The following PRKG1 variants were observed in gnomAD, a reference collection of about 807,000 sequenced individuals.
PRKG1 encodes cGMP-dependent protein kinase 1.
In PRKG1, 35 loss-of-function variants were observed where a neutral mutation model predicts 88.1. That is an observed-to-expected ratio of 0.40 (90% confidence interval 0.30 to 0.53). The LOEUF is 0.53. Ranked by LOEUF, PRKG1 falls within the 20% of genes least tolerant of loss-of-function variation. The pLI is 0.59. For synonymous variants in PRKG1, 303 were observed against 292.5 expected, an observed-to-expected ratio of 1.04 and a Z score of -0.37; for missense variants, 540 against 839.8, an observed-to-expected ratio of 0.64 and a Z score of 4.41.
At chr10:51,776,499 G>A (rs922708368) in intron 3 of PRKG1, among the ~76,000 whole-genome samples, 6 of 152,076 alleles carry the variant, frequency 3.9e-5, no homozygotes, top group African/African-American at 1.4e-4. Context: ...GACAAAGCAA[G>A]TTAATGATCA....
chr10:51,479,963 T>G (rs969725224), intron 3 of PRKG1, among the ~76,000 whole-genome samples: 2 of 151,852 alleles, frequency 1.3e-5, no homozygotes, highest in Non-Finnish European at 2.9e-5. Context: ...ATTTATGGAA[T>G]AATTATGTTG....
intron 3 of PRKG1, among the ~76,000 whole-genome samples, chr10:51,495,230 G>C (rs1012200225): frequency 1.3e-5 from 2 of 152,136 alleles, no homozygotes; most frequent in African/African-American, 4.8e-5. Flanking sequence ...GAGTGGCTGG[G>C]ACTACAGGCG....
At chr10:51,792,382 G>A (rs1838891003) in intron 3 of PRKG1, among the ~76,000 whole-genome samples, 1 of 151,996 alleles carries the variant, frequency 6.6e-6, no homozygotes, top group African/African-American at 2.4e-5. Context: ...TGCCAGGGTT[G>A]TTTTAGATGA....
chr10:51,310,840 A>G (rs759394533), intron 2 of PRKG1, among the ~76,000 whole-genome samples: 2 of 152,112 alleles, frequency 1.3e-5, no homozygotes, highest in Non-Finnish European at 2.9e-5. Flanking sequence ...TTAAAAGGTC[A>G]CCCAAATGAA....
chr10:51,749,645 T>G (rs1344556494), intron 3 of PRKG1, among the ~76,000 whole-genome samples: 1 of 152,196 alleles, frequency 6.6e-6, no homozygotes, highest in Non-Finnish European at 1.5e-5. Context: ...AGTTCTTTGC[T>G]ATGTAAGATG....
At chr10:51,277,956 G>A (rs1306175220) in intron 2 of PRKG1, among the ~76,000 whole-genome samples, 3 of 152,106 alleles carry the variant, frequency 2.0e-5, no homozygotes, top group Non-Finnish European at 4.4e-5. Context: ...TCTTTCTCCT[G>A]CCTGATTGCC....
At chr10:51,434,270 T>A (rs117753518) in intron 2 of PRKG1, among the ~76,000 whole-genome samples, 2 of 152,120 alleles carry the variant, frequency 1.3e-5, no homozygotes, top group African/African-American at 2.4e-5. Context: ...CCCAGTCTAG[T>A]CTGCTGCCAT....
At chr10:51,834,678 CAGAA>C (rs200925527) in intron 4 of PRKG1, among the ~76,000 whole-genome samples, 16 of 106,526 alleles carry the variant, frequency 1.5e-4, no homozygotes, top group East Asian at 5.4e-4. Flanking sequence ...GAAAGAAAGA[CAGAA>C]AGAAAGAAAG....
chr10:51,113,838 T>C (rs1254664746), intron 1 of PRKG1, among the ~76,000 whole-genome samples: 5 of 151,874 alleles, frequency 3.3e-5, no homozygotes, highest in African/African-American at 1.2e-4. Flanking sequence ...GCTATTTCTG[T>C]AGTAGCAGTT....
intron 2 of PRKG1, among the ~76,000 whole-genome samples, chr10:51,173,631 T>C (rs1774362879): frequency 6.6e-6 from 1 of 151,944 alleles, no homozygotes; most frequent in Non-Finnish European, 1.5e-5. Flanking sequence ...TTTCGATGTC[T>C]TCTAATCACT....
intron 7 of PRKG1, among the ~76,000 whole-genome samples, chr10:52,079,449 T>C (rs893248285): frequency 2.0e-5 from 3 of 152,178 alleles, no homozygotes; most frequent in Non-Finnish European, 4.4e-5. Context: ...GTCAGACAGA[T>C]ATGTCCATAT....
At chr10:51,510,260 T>C (rs1841353919) in intron 3 of PRKG1, among the ~76,000 whole-genome samples, 1 of 152,186 alleles carries the variant, frequency 6.6e-6, no homozygotes, top group African/African-American at 2.4e-5. Flanking sequence ...TGTTTGTATA[T>C]GTATATGCAT....
intron 1 of PRKG1, among the ~76,000 whole-genome samples, chr10:50,998,468 C>T (rs139339170): frequency 0.017 from 2,590 of 152,284 alleles, 32 homozygotes; most frequent in East Asian, 0.042. Context: ...ATGGTTTAGG[C>T]TGGGCACAGT....
intron 1 of PRKG1, among the ~76,000 whole-genome samples, chr10:51,121,816 A>G (rs1374440199): frequency 6.6e-6 from 1 of 152,158 alleles, no homozygotes; most frequent in Non-Finnish European, 1.5e-5. Context: ...GGATTCGTGA[A>G]TGGTCTTGCA....
intron 1 of PRKG1, among the ~76,000 whole-genome samples, chr10:51,085,245 G>T (rs1443266389): frequency 6.6e-6 from 1 of 152,134 alleles, no homozygotes; most frequent in Non-Finnish European, 1.5e-5. Flanking sequence ...CTAATTCACT[G>T]GTGACTAAGT....
intron 2 of PRKG1, among the ~76,000 whole-genome samples, chr10:51,374,929 C>T (rs1365664762): frequency 6.6e-6 from 1 of 152,056 alleles, no homozygotes; most frequent in Non-Finnish European, 1.5e-5. Flanking sequence ...AGCTTCTTGC[C>T]ATGTGGGCCT....
chr10:51,855,508 T>A lies in PRKG1; in HGVS notation c.698+50818T>A, dbSNP rs540433604. ...GGCTACTGTGTTCTGGTGTGAGGAA[T>A]GCAATTACTTCTATGTCCAGCACAA... On this transcript the variant is annotated intron_variant, in intron 4 of 17. Coordinates refer to ENST00000373980, the MANE Select transcript of PRKG1 (RefSeq NM_006258.4). Among the ~76,000 whole-genome samples, 5 of 152,186 alleles carry A rather than the reference T, an allele frequency of 3.3e-5. No homozygotes were observed. The South Asian group carries it at 1.0e-3, about 31-fold the overall frequency.
At chr10:51,644,550 A>C (rs1839872702) in intron 3 of PRKG1, among the ~76,000 whole-genome samples, 1 of 152,076 alleles carries the variant, frequency 6.6e-6, no homozygotes, top group African/African-American at 2.4e-5. Context: ...AGCCTATTCA[A>C]GTTTTATTCT....
chr10:51,532,739 G>T (rs181114685), intron 3 of PRKG1, among the ~76,000 whole-genome samples: 1 of 152,238 alleles, frequency 6.6e-6, no homozygotes, highest in East Asian at 1.9e-4. Context: ...GACCCCTGAG[G>T]ATCTTATCCC....
Sources: allele counts gnomAD v4.1 joint callset (sites outside exome capture counted in the v4.1 genomes callset), GRCh38; gene constraint gnomAD v4.1.1; transcripts MANE v1.5; gene names NCBI Gene and HGNC (gene_info 2026-07-23, HGNC 2026-07-21).